The following CACNA1C variants were observed in gnomAD, a reference collection of about 807,000 sequenced individuals.
The protein encoded by CACNA1C is calcium voltage-gated channel subunit alpha1 C.
In CACNA1C, 30 loss-of-function variants were observed where a neutral mutation model predicts 229.0. That is an observed-to-expected ratio of 0.13 (90% CI 0.10 to 0.18). CACNA1C has a LOEUF of 0.18. Ranked by LOEUF, CACNA1C falls within the 10% of genes least tolerant of loss-of-function variation. The pLI is 1.00. For missense variants in CACNA1C, 1,658 were observed against 2,845.0 expected, an observed-to-expected ratio of 0.58 and a Z score of 9.49; for synonymous variants, 1,114 against 1,132.5, an observed-to-expected ratio of 0.98 and a Z score of 0.33.
intron 5 of CACNA1C, among the ~76,000 whole-genome samples, chr12:2,475,921 A>G (rs1021845642): frequency 6.6e-6 from 1 of 152,212 alleles, no homozygotes; most frequent in Non-Finnish European, 1.5e-5. Flanking sequence ...TAATAGTTGC[A>G]TGGCTGTTTG....
chr12:2,372,401 T>G (rs1172466175), intron 3 of CACNA1C, among the ~76,000 whole-genome samples: 1 of 152,180 alleles, frequency 6.6e-6, no homozygotes, highest in African/African-American at 2.4e-5. Context: ...GCCATGACGC[T>G]GGGGAGAAAT....
intron 3 of CACNA1C, among the ~76,000 whole-genome samples, chr12:2,176,164 A>G (rs905986258): frequency 6.6e-5 from 10 of 152,120 alleles, no homozygotes; most frequent in African/African-American, 2.4e-4. Context: ...GAATAGGGTA[A>G]GCAGGCTCAG....
chr12:2,405,685 C>G (rs2098730181), intron 3 of CACNA1C, among the ~76,000 whole-genome samples: 1 of 152,202 alleles, frequency 6.6e-6, no homozygotes, highest in Non-Finnish European at 1.5e-5. Context: ...TGAAGTGTGT[C>G]TGTCTCACTT....
At chr12:2,502,373 C>T (rs888712698) in intron 7 of CACNA1C, among the ~76,000 whole-genome samples, 1 of 152,246 alleles carries the variant, frequency 6.6e-6, no homozygotes. Flanking sequence ...GGGGAGCTCA[C>T]ATTCTAGCAT....
intron 37 of CACNA1C, among the ~76,000 whole-genome samples, chr12:2,668,335 G>A (rs999065884): frequency 6.6e-6 from 1 of 152,108 alleles, no homozygotes; most frequent in South Asian, 2.1e-4. Context: ...CCACGAGGAG[G>A]GTCAAAAGTA....
At chr12:2,682,060 G>A in intron 42 of CACNA1C, 1 of 1,517,090 alleles carries the variant, frequency 6.6e-7, no homozygotes, top group Non-Finnish European at 9.2e-7. Flanking sequence ...TCTAGGTGAG[G>A]CTTCCTCTCT....
At chr12:2,556,806 C>A in intron 10 of CACNA1C, 145 bp from the exon 11 acceptor site, 1 of 728,380 alleles carries the variant, frequency 1.4e-6, no homozygotes. Flanking sequence ...CTTTCTCTCC[C>A]AAGATGTTCT....
At chr12:2,040,997 T>C (rs2049981778) in intron 1 of CACNA1C, among the ~76,000 whole-genome samples, 1 of 152,186 alleles carries the variant, frequency 6.6e-6, no homozygotes, top group Non-Finnish European at 1.5e-5. Flanking sequence ...TCTTCTAGGC[T>C]GTAAATGAAA....
chr12:2,178,089 A>G (rs1862587677), intron 3 of CACNA1C, among the ~76,000 whole-genome samples: 1 of 152,212 alleles, frequency 6.6e-6, no homozygotes, highest in South Asian at 2.1e-4. Flanking sequence ...AAAAGGAAGG[A>G]CACAGTGAAG....
At chr12:2,683,214 T>A (rs182584687) in intron 43 of CACNA1C, among the ~76,000 whole-genome samples, 2 of 152,202 alleles carry the variant, frequency 1.3e-5, no homozygotes, top group Admixed American at 6.5e-5. Context: ...TGGTCACTAA[T>A]GACTAGCCCT....
At position 2,486,633 on chromosome 12, in the gene CACNA1C, T is replaced by C. The variant is rs923028383; in HGVS notation, c.916+371T>C. Among the ~76,000 whole-genome samples the C allele has an allele frequency of 6.6e-6, 1 of 152,222 alleles. No homozygotes were observed. The highest frequency in any genetic ancestry group is 1.5e-5 in the Non-Finnish European group (1 of 68,036). On this transcript the variant is annotated intron_variant, in intron 6 of 46. Transcript: ENST00000399655. This position sits in a 1 kb window ranked among gnomAD's most constrained non-coding sequence, Gnocchi z 4.9. ...GGGTCGTCAGTCTCTGCTCCTTCCA[T>C]GCTTCAGTGTGGTTGGCCATTGGGA... is the stretch of plus-strand genomic sequence containing the variant.
rs148748662 is a variant in CACNA1C, at chr12:2,681,707, CGA to C, written c.5445-834_5445-833del. On this transcript the variant is annotated intron_variant, in intron 42 of 46. Coordinates refer to ENST00000399655, the MANE Select transcript of CACNA1C (RefSeq NM_000719.7). Reference sequence around the variant, plus strand: ...GGTGGCAGTCTGCAGTCCTCCTCCTCGAGAGAGAGAATTGCTTCTACCCTGCC... The same window carrying C: ...GGTGGCAGTCTGCAGTCCTCCTCCTCGAGAGAGAATTGCTTCTACCCTGCC... 0.019 allele frequency among the ~76,000 whole-genome samples: 2,846 copies of C among 152,200 alleles called. 89 individuals are homozygous for C. The highest frequency in any genetic ancestry group is 0.062 in the African/African-American group (2,570 of 41,498).
chr12:2,634,182 CT>C, intron 29 of CACNA1C, 114 bp from the exon 30 acceptor site: 7 of 521,102 alleles, frequency 1.3e-5, no homozygotes, highest in East Asian at 3.5e-5. Flanking sequence ...TCTTCTCTCC[CT>C]TTTTCCATAC....
chr12:2,435,203 C>A (rs2099122610), intron 3 of CACNA1C, among the ~76,000 whole-genome samples: 1 of 152,218 alleles, frequency 6.6e-6, no homozygotes, highest in African/African-American at 2.4e-5. Context: ...TTGTGCAGCT[C>A]CTCCCCTGCC....
chr12:2,106,127 C>A lies in CACNA1C; in HGVS notation c.50-9097C>A, dbSNP rs551181233. On this transcript the variant is annotated intron_variant, in intron 1 of 46. Transcript: ENST00000399655. ...TGGGCGCCCACCCTGGAGAGGGTTT[C>A]CACCTGAGCTGGGCGTCCTGAAGCC... Among the ~76,000 whole-genome samples the A allele has an allele frequency of 3.8e-3, 207 of 55,116 alleles. 42 individuals are homozygous for A. Among genetic ancestry groups the A allele is most frequent in the African/African-American group, 0.011 (194 of 17,558 alleles). 36.2% of individuals were successfully genotyped at this position (55,116 alleles called of 152,430 possible).
At chr12:2,063,013 A>G (rs2058067278) in intron 1 of CACNA1C, among the ~76,000 whole-genome samples, 1 of 152,044 alleles carries the variant, frequency 6.6e-6, no homozygotes, top group African/African-American at 2.4e-5. Context: ...CTACTTCCCC[A>G]ATATTTTCAT....
At chr12:2,098,217 A>T (rs1006475098) in intron 1 of CACNA1C, among the ~76,000 whole-genome samples, 1 of 152,162 alleles carries the variant, frequency 6.6e-6, no homozygotes, top group Non-Finnish European at 1.5e-5. Flanking sequence ...GGAGACTTGC[A>T]TATTTTTTCG....
At chr12:2,587,334 T>C (rs1406995846) in intron 18 of CACNA1C, among the ~76,000 whole-genome samples, 3 of 152,186 alleles carry the variant, frequency 2.0e-5, no homozygotes, top group Non-Finnish European at 2.9e-5. Context: ...TCTTTAAGGT[T>C]TAAAATGAAA....
chr12:1,996,408 T>C (rs2040798069), intron 1 of CACNA1C, among the ~76,000 whole-genome samples: 1 of 151,912 alleles, frequency 6.6e-6, no homozygotes, highest in Non-Finnish European at 1.5e-5. Flanking sequence ...CACCAGGTTC[T>C]CCGCCCCTGC....
Sources: gnomAD v4.1 joint callset for allele counts (sites outside exome capture counted in the v4.1 genomes callset) on GRCh38, gnomAD v4.1.1 for gene constraint, Gnocchi (gnomAD v3.1) non-coding constraint, MANE v1.5 for transcripts, NCBI Gene and HGNC (gene_info 2026-07-23, HGNC 2026-07-21) for gene names.